SRGAP1: variants seen among roughly 807,000 people sequenced by gnomAD.
SRGAP1 encodes the protein SLIT-ROBO Rho GTPase activating protein 1.
In SRGAP1, 43 loss-of-function variants were observed where a neutral mutation model predicts 121.9. The observed-to-expected ratio is 0.35, with a 90% CI of 0.28 to 0.46. The LOEUF (loss-of-function observed/expected upper bound fraction) is 0.46, where lower values mean the gene tolerates loss of function less well. Ranked by LOEUF, SRGAP1 falls within the 20% of genes least tolerant of loss-of-function variation. The pLI, the probability that SRGAP1 is intolerant of heterozygous loss-of-function variation, is 1.00. For missense variants in SRGAP1, 1,102 were observed against 1,350.9 expected, an observed-to-expected ratio of 0.82 and a Z score of 2.89; for synonymous variants, 447 against 485.4, an observed-to-expected ratio of 0.92 and a Z score of 1.04.
intron 11 of SRGAP1, among the ~76,000 whole-genome samples, chr12:64,090,077 A>G (rs932508065): frequency 1.3e-5 from 2 of 152,218 alleles, no homozygotes; most frequent in Non-Finnish European, 2.9e-5. Context: ...GGAGTTTTAC[A>G]TTAAAACATC....
chr12:64,069,804 G>C (rs1422768599), intron 8 of SRGAP1, among the ~76,000 whole-genome samples: 2 of 151,988 alleles, frequency 1.3e-5, no homozygotes, highest in Admixed American at 6.6e-5. Context: ...TTTATTGTTT[G>C]TAGAGACAGT....
chr12:64,133,332 G>A (rs369596441), intron 21 of SRGAP1, among the ~76,000 whole-genome samples: 1 of 152,318 alleles, frequency 6.6e-6, no homozygotes, highest in South Asian at 2.1e-4. Context: ...AAGTATGTCT[G>A]TGCCAATTAT....
chr12:63,865,702 A>G (rs979092747), intron 1 of SRGAP1, among the ~76,000 whole-genome samples: 3 of 152,126 alleles, frequency 2.0e-5, no homozygotes, highest in African/African-American at 7.2e-5. Context: ...TCATTTGGCT[A>G]TTGTCATGGA....
intron 1 of SRGAP1, among the ~76,000 whole-genome samples, chr12:63,902,732 G>T (rs1463688394): frequency 6.6e-6 from 1 of 152,116 alleles, no homozygotes; most frequent in Non-Finnish European, 1.5e-5. Flanking sequence ...CAATCCAATT[G>T]CTTAAAATTA....
intron 1 of SRGAP1, among the ~76,000 whole-genome samples, chr12:63,931,030 C>A (rs867986202): frequency 1.3e-5 from 2 of 152,130 alleles, no homozygotes; most frequent in African/African-American, 4.8e-5. Flanking sequence ...CCACCCTCCC[C>A]CTCCTTTTGT....
intron 1 of SRGAP1, among the ~76,000 whole-genome samples, chr12:63,948,911 T>C (rs1254413063): frequency 1.2e-5 from 1 of 81,678 alleles, no homozygotes; most frequent in Non-Finnish European, 2.6e-5. Flanking sequence ...ATATATATTT[T>C]CCATATATAT....
At chr12:63,964,243 T>A (rs1409174318) in intron 1 of SRGAP1, among the ~76,000 whole-genome samples, 1 of 152,186 alleles carries the variant, frequency 6.6e-6, no homozygotes, top group Non-Finnish European at 1.5e-5. Context: ...TCCTACAAAA[T>A]AGAATTGTGT....
Position 64,150,934 on chromosome 12 carries a change from C to CAAAAAAAAAAAAAAAAAAAAAAAAAAAA in SRGAP1, c.*8288_*8289insAAAAAAAAAAAAAAAAAAAAAAAAAAAA, listed in dbSNP as rs750351170. On this transcript the variant is annotated 3_prime_UTR_variant, in exon 22 of 22. Coordinates refer to ENST00000355086, the MANE Select transcript of SRGAP1 (RefSeq NM_020762.4). ...TGGGTGGAAGAGTGAGAAGCTATCT[C>CAAAAAAAAAAAAAAAAAAAAAAAAAAAA]AAAAAAAAAAAAAAAAAAAAAAAAA... is the stretch of plus-strand genomic sequence containing the variant. The CAAAAAAAAAAAAAAAAAAAAAAAAAAAA allele has an allele frequency of 8.1e-5, 2 of 24,718 alleles. No homozygotes were observed. The highest frequency in any genetic ancestry group is 1.0e-4 in the Non-Finnish European group (1 of 9,648). 1.5% of individuals were successfully genotyped at this position (24,718 alleles called of 1,614,324 possible). A position where few individuals can be genotyped will look rare whatever the true frequency, so the allele number is the denominator to read the frequency against.
chr12:64,115,993 A>G, intron 18 of SRGAP1, 100 bp downstream of exon 18: 3 of 1,129,266 alleles, frequency 2.7e-6, no homozygotes, highest in East Asian at 2.7e-5. Flanking sequence ...AGTGGCTCCT[A>G]CCTATAATCC....
At chr12:64,085,357 T>TAGATGC (rs2035918803) in intron 10 of SRGAP1, among the ~76,000 whole-genome samples, 1 of 152,204 alleles carries the variant, frequency 6.6e-6, no homozygotes, top group Non-Finnish European at 1.5e-5. Context: ...GCATCATACC[T>TAGATGC]AATTAGACTT....
intron 3 of SRGAP1, among the ~76,000 whole-genome samples, chr12:63,992,764 T>G (rs1242048630): frequency 1.3e-5 from 2 of 151,734 alleles, no homozygotes; most frequent in African/African-American, 4.9e-5. Flanking sequence ...TATGTCTTCT[T>G]GCTTGCTACC....
chr12:64,097,132 T>G, intron 14 of SRGAP1, 109 bp from the exon 15 acceptor site: 2 of 1,104,048 alleles, frequency 1.8e-6, no homozygotes, highest in Non-Finnish European at 2.4e-6. Context: ...TCATAAAGCA[T>G]AATTAAAAGA....
At chr12:63,858,592 C>T in intron 1 of SRGAP1, among the ~76,000 whole-genome samples, 1 of 152,106 alleles carries the variant, frequency 6.6e-6, no homozygotes, top group East Asian at 1.9e-4. Context: ...TTATCTGAGT[C>T]TAATTAGTTT....
chr12:64,032,576 T>C, intron 4 of SRGAP1: 3 of 810,892 alleles, frequency 3.7e-6, no homozygotes, highest in Non-Finnish European at 4.0e-6. Context: ...GACCTAGCTC[T>C]GCACATAAGT....
At chr12:63,897,805 G>A (rs1053912402) in intron 1 of SRGAP1, among the ~76,000 whole-genome samples, 2 of 152,114 alleles carry the variant, frequency 1.3e-5, no homozygotes, top group African/African-American at 4.8e-5. Context: ...TCTTTCTGGG[G>A]ATTTTATTTT....
chr12:64,127,782 AGCCACTGCACCTCAGCCTTGCAGTACT>A, intron 20 of SRGAP1, 52 bp from the exon 21 acceptor site: 1 of 1,603,674 alleles, frequency 6.2e-7, no homozygotes. Flanking sequence ...GGCCATGAGG[AGCCACTGCACCTCAGCCTTGCAGTACT>A]GCCCGGTGTG....
At chr12:63,903,404 T>C (rs1247680668) in intron 1 of SRGAP1, among the ~76,000 whole-genome samples, 1 of 152,044 alleles carries the variant, frequency 6.6e-6, no homozygotes, top group Non-Finnish European at 1.5e-5. Context: ...GTATTACAAA[T>C]ACAATACGTT....
intron 8 of SRGAP1, among the ~76,000 whole-genome samples, chr12:64,072,147 T>TGTGTGTGTG (rs2035651206): frequency 3.0e-5 from 1 of 33,846 alleles, no homozygotes. Flanking sequence ...TGTGTGTGTG[T>TGTGTGTGTG]GGGCGGCGGG....
chr12:64,031,644 C>T (rs2034783342), intron 4 of SRGAP1, among the ~76,000 whole-genome samples: 1 of 152,130 alleles, frequency 6.6e-6, no homozygotes, highest in Non-Finnish European at 1.5e-5. Flanking sequence ...TCATCCTACA[C>T]TATTTCCTCT....
Sources: allele counts gnomAD v4.1 joint callset (sites outside exome capture counted in the v4.1 genomes callset), GRCh38; gene constraint gnomAD v4.1.1; transcripts MANE v1.5; gene names NCBI Gene and HGNC (gene_info 2026-07-23, HGNC 2026-07-21).